Variants in SLX4IP observed in about 807,000 individuals in gnomAD.
SLX4IP encodes the protein SLX4 interacting protein.
SLX4IP carries 34 observed loss-of-function variants against 32.9 expected under a neutral mutation model. The ratio of observed to expected loss-of-function variants is 1.03; its 90% CI spans 0.79 to 1.38. The LOEUF is 1.38. SLX4IP is among the 40% of genes most tolerant of loss of function. The pLI is 0.00. For missense variants in SLX4IP, 444 were observed against 479.0 expected, an observed-to-expected ratio of 0.93 and a Z score of 0.68; for synonymous variants, 172 against 171.7, an observed-to-expected ratio of 1.00 and a Z score of -0.01.
intron 2 of SLX4IP, among the ~76,000 whole-genome samples, chr20:10,549,390 A>C (rs2066196100): frequency 6.6e-6 from 1 of 152,054 alleles, no homozygotes; most frequent in African/African-American, 2.4e-5. Context: ...CAGACATGGA[A>C]TCAGGCTGCC....
intron 6 of SLX4IP, chr20:10,613,888 C>G (rs1344740805): frequency 6.6e-7 from 1 of 1,503,928 alleles, no homozygotes. Context: ...TGAACGTCCT[C>G]TAAAGATATC....
chr20:10,466,027 A>G (rs895656250), intron 2 of SLX4IP, among the ~76,000 whole-genome samples: 2 of 152,244 alleles, frequency 1.3e-5, no homozygotes, highest in African/African-American at 4.8e-5. Flanking sequence ...GGCCAAGGTA[A>G]AGCCATTTCC....
At chr20:10,462,892 G>A (rs2065349988) in intron 2 of SLX4IP, among the ~76,000 whole-genome samples, 1 of 152,214 alleles carries the variant, frequency 6.6e-6, no homozygotes, top group Non-Finnish European at 1.5e-5. Context: ...AATTTATTAT[G>A]TGCACACAAG....
At chr20:10,519,384 C>T (rs1463534467) in intron 2 of SLX4IP, among the ~76,000 whole-genome samples, 1 of 152,186 alleles carries the variant, frequency 6.6e-6, no homozygotes, top group Non-Finnish European at 1.5e-5. Flanking sequence ...TGTGCCCACT[C>T]CTACCCCTTG....
At chr20:10,452,680 A>AATATATAT (rs1280513421) in intron 1 of SLX4IP, among the ~76,000 whole-genome samples, 21 of 109,494 alleles carry the variant, frequency 1.9e-4, no homozygotes, top group Middle Eastern at 4.6e-3. Flanking sequence ...AAAAAAAAAA[A>AATATATAT]ATATATATAT....
chr20:10,598,551 A>G (rs1007968806), intron 4 of SLX4IP, 124 bp from the exon 5 acceptor site: 1 of 915,980 alleles, frequency 1.1e-6, no homozygotes, highest in Non-Finnish European at 1.7e-6. Context: ...GGCGTGAGTC[A>G]TCACACTCAG....
chr20:10,594,606 T>G (rs2122542023), intron 4 of SLX4IP, among the ~76,000 whole-genome samples: 1 of 152,316 alleles, frequency 6.6e-6, no homozygotes, highest in African/African-American at 2.4e-5. Flanking sequence ...GCTCTCAGTG[T>G]CTTGGGACTG....
chr20:10,561,301 C>G (rs1019109541), intron 4 of SLX4IP, among the ~76,000 whole-genome samples: 18 of 151,888 alleles, frequency 1.2e-4, no homozygotes, highest in African/African-American at 3.9e-4. Flanking sequence ...CATATTTACC[C>G]TATAGTGCTA....
intron 6 of SLX4IP, chr20:10,613,640 A>G: frequency 2.3e-5 from 37 of 1,613,908 alleles, no homozygotes; most frequent in Non-Finnish European, 3.1e-5. Context: ...CCTCTTCCTG[A>G]GCCCTCCTTT....
intron 4 of SLX4IP, among the ~76,000 whole-genome samples, chr20:10,577,027 C>T (rs2066531105): frequency 6.6e-6 from 1 of 151,980 alleles, no homozygotes; most frequent in African/African-American, 2.4e-5. Flanking sequence ...AGAAAGTATT[C>T]CTCTGCGGGG....
At chr20:10,518,873 G>A (rs1469357483) in intron 2 of SLX4IP, among the ~76,000 whole-genome samples, 1 of 152,086 alleles carries the variant, frequency 6.6e-6, no homozygotes, top group Non-Finnish European at 1.5e-5. Flanking sequence ...CCTGACCTAG[G>A]GGCTTTTCTA....
At chr20:10,465,794 C>T (rs2122354285) in intron 2 of SLX4IP, among the ~76,000 whole-genome samples, 1 of 152,392 alleles carries the variant, frequency 6.6e-6, no homozygotes, top group East Asian at 1.9e-4. Context: ...GCGTGAGCCA[C>T]TGTGCCCGGC....
At chr20:10,607,877 C>T (rs1363887945) in intron 6 of SLX4IP, among the ~76,000 whole-genome samples, 1 of 152,060 alleles carries the variant, frequency 6.6e-6, no homozygotes, top group East Asian at 1.9e-4. Context: ...GTTCTCTTTT[C>T]TTAATAATGA....
chr20:10,560,305 G>A (rs1339873426), intron 3 of SLX4IP, among the ~76,000 whole-genome samples: 1 of 152,238 alleles, frequency 6.6e-6, no homozygotes, highest in East Asian at 1.9e-4. Flanking sequence ...ATGCCAGCCA[G>A]TGTTGGCTCT....
At chr20:10,611,571 T>G (rs2122560501) in intron 6 of SLX4IP, among the ~76,000 whole-genome samples, 1 of 152,326 alleles carries the variant, frequency 6.6e-6, no homozygotes, top group East Asian at 1.9e-4. Context: ...CAGCTGTGGC[T>G]GATGCATCTC....
intron 2 of SLX4IP, among the ~76,000 whole-genome samples, chr20:10,493,824 G>GT (rs1226744367): frequency 8.4e-6 from 1 of 119,424 alleles, no homozygotes; most frequent in East Asian, 2.7e-4. Flanking sequence ...GAAAATGAGT[G>GT]TTAAACTTTA....
chr20:10,604,805 A>G (rs1207055531), intron 6 of SLX4IP, among the ~76,000 whole-genome samples: 1 of 152,248 alleles, frequency 6.6e-6, no homozygotes. Flanking sequence ...AAAGGACATT[A>G]TTATGAAATG....
chr20:10,574,990 T>C (rs1033395693), intron 4 of SLX4IP, among the ~76,000 whole-genome samples: 1 of 152,218 alleles, frequency 6.6e-6, no homozygotes, highest in East Asian at 1.9e-4. Context: ...TTTTTTTTAA[T>C]GAGTTGTTCC....
At chr20:10,622,479 A>G (rs1358446728) in intron 7 of SLX4IP, among the ~76,000 whole-genome samples, 180 bp from the exon 8 acceptor site, 1 of 152,184 alleles carries the variant, frequency 6.6e-6, no homozygotes, top group Non-Finnish European at 1.5e-5. Flanking sequence ...TTTTTGCTTG[A>G]TTCAGTCTGC....
Sources: allele counts gnomAD v4.1 joint callset (sites outside exome capture counted in the v4.1 genomes callset), GRCh38; gene constraint gnomAD v4.1.1; transcripts MANE v1.5; gene names NCBI Gene and HGNC (gene_info 2026-07-23, HGNC 2026-07-21).